GLS: variants seen among roughly 807,000 people sequenced by gnomAD.
GLS encodes glutaminase.
Under a neutral mutation model 86.7 loss-of-function variants are expected in GLS, and 36 were observed. That is an observed-to-expected ratio of 0.42 (90% CI 0.32 to 0.55). The LOEUF is 0.55. GLS is among the 20% of genes least tolerant of loss of function. The pLI is 0.17. For missense variants in GLS, 528 were observed against 833.4 expected (o/e 0.63, Z 4.51); for synonymous variants, 317 against 305.9 (o/e 1.04, Z -0.38).
rs1690510896 is a variant in GLS at position 190,943,807 on chromosome 2, A to G, written c.1651-9758A>G. 6.6e-6 allele frequency among the ~76,000 whole-genome samples: 1 copy of G among 152,228 alleles called. No homozygotes were observed. The highest frequency in any genetic ancestry group is 1.5e-5 in the Non-Finnish European group (1 of 68,024). On this transcript the variant is annotated intron_variant, in intron 14 of 17. Transcript: ENST00000320717. The surrounding 1 kb of genome is among the most constrained non-coding windows in gnomAD (Gnocchi z 4.5). ...TATGCTCCATAAAGCACACATGTTGAACGTTTCACAATAGAAATGTGAAAT... is the reference window on the plus strand; with the variant it reads ...TATGCTCCATAAAGCACACATGTTGGACGTTTCACAATAGAAATGTGAAAT...
At position 190,905,451 on chromosome 2, in the gene GLS, A is replaced by G. The variant is rs1025828087; in HGVS notation, c.979+284A>G. ...CATGAGATTTGCTTTAAAATAATTTAGTTAAGGCAGCTGGGAGTGCTGGGT... is the reference window on the plus strand; with the variant it reads ...CATGAGATTTGCTTTAAAATAATTTGGTTAAGGCAGCTGGGAGTGCTGGGT... On this transcript the variant is annotated intron_variant, in intron 6 of 17. Coordinates refer to ENST00000320717, the MANE Select transcript of GLS (RefSeq NM_014905.5). This position sits in a 1 kb window ranked among gnomAD's most constrained non-coding sequence, Gnocchi z 4.6. Among the ~76,000 whole-genome samples the G allele has an allele frequency of 2.6e-5, 4 of 152,068 alleles. No individual in the cohort carries two copies. Among genetic ancestry groups the G allele is most frequent in the Admixed American group, 2.0e-4 (3 of 15,262 alleles).
intron 5 of GLS, among the ~76,000 whole-genome samples, chr2:190,904,336 T>G (rs1376368034): frequency 6.6e-6 from 1 of 152,178 alleles, no homozygotes; most frequent in Non-Finnish European, 1.5e-5. Context: ...TAGTTTATTT[T>G]ATGTGATTGA....
intron 6 of GLS, among the ~76,000 whole-genome samples, chr2:190,907,365 C>T (rs905096727): frequency 6.6e-5 from 10 of 151,526 alleles, no homozygotes; most frequent in Non-Finnish European, 1.3e-4. Context: ...TCAAGCGATT[C>T]TCCTGCCTCA....
rs147506874 is a variant in GLS at position 190,906,907 on chromosome 2, A to G, written c.979+1740A>G. On this transcript the variant is annotated intron_variant, in intron 6 of 17. Transcript: ENST00000320717. ...ATGATTTATTAAGACTAATAGGGAT[A>G]TGGTAAATAGAGAAATTGTAGTAGT... is the stretch of plus-strand genomic sequence containing the variant. Among the ~76,000 whole-genome samples the G allele has an allele frequency of 5.6e-3, 857 of 151,850 alleles. 13 individuals carry two copies. The highest frequency in any genetic ancestry group is 0.018 in the African/African-American group (756 of 41,444).
Position 190,935,241 on chromosome 2 carries a change from TC to T in GLS, c.1650+3606del. The T allele has an allele frequency of 1.3e-6, 1 of 758,398 alleles. No individual in the cohort carries two copies. The highest frequency in any genetic ancestry group is 1.6e-6 in the Non-Finnish European group (1 of 622,990). 47.0% of individuals were successfully genotyped at this position (758,398 alleles called of 1,614,324 possible). ...TATATTTAATAATGTACCTTTATTTTCCAGTATGCCTACATTTTGTATTGCA... is the reference window on the plus strand; with the variant it reads ...TATATTTAATAATGTACCTTTATTTTCAGTATGCCTACATTTTGTATTGCA... On this transcript the variant is annotated intron_variant, in intron 14 of 17. Transcript: ENST00000320717. The surrounding 1 kb of genome is among the most constrained non-coding windows in gnomAD (Gnocchi z 4.2).
intron 4 of GLS, among the ~76,000 whole-genome samples, 188 bp downstream of exon 4, chr2:190,900,881 T>A (rs1356738318): frequency 6.6e-6 from 1 of 152,176 alleles, no homozygotes; most frequent in Non-Finnish European, 1.5e-5. Flanking sequence ...ACTTTGTTAT[T>A]CTGGTTAAAG....
intron 14 of GLS, chr2:190,934,091 GT>G: frequency 2.0e-6 from 2 of 977,730 alleles, no homozygotes; most frequent in South Asian, 9.5e-5. Flanking sequence ...TACTTCTCTG[GT>G]TTTCCCCATA....
intron 14 of GLS, among the ~76,000 whole-genome samples, chr2:190,937,960 T>G (rs1434131994): frequency 6.6e-6 from 1 of 151,134 alleles, no homozygotes; most frequent in African/African-American, 2.4e-5. Flanking sequence ...AGGCAAGCGT[T>G]AGAAACAGGT....
At chr2:190,912,485 A>G (rs1689397593) in intron 7 of GLS, among the ~76,000 whole-genome samples, 1 of 152,048 alleles carries the variant, frequency 6.6e-6, no homozygotes, top group South Asian at 2.1e-4. Flanking sequence ...ATTCATATAA[A>G]TATCTATAAT....
At chr2:190,898,131 G>A (rs1688809769) in intron 3 of GLS, among the ~76,000 whole-genome samples, 1 of 151,822 alleles carries the variant, frequency 6.6e-6, no homozygotes, top group Non-Finnish European at 1.5e-5. Flanking sequence ...ATAATTTTTT[G>A]ATCTTTTTGT....
At chr2:190,903,480 A>G (rs1021276217) in intron 5 of GLS, among the ~76,000 whole-genome samples, 1 of 152,222 alleles carries the variant, frequency 6.6e-6, no homozygotes, top group East Asian at 1.9e-4. Flanking sequence ...ATGAAAAGGC[A>G]TGGTGACTTT....
intron 1 of GLS, among the ~76,000 whole-genome samples, chr2:190,893,006 T>A (rs1688614797): frequency 6.6e-6 from 1 of 152,232 alleles, no homozygotes; most frequent in Admixed American, 6.5e-5. Flanking sequence ...ACCATTTACT[T>A]GTGTGATAAA....
At chr2:190,961,903 G>A (rs1316543784) in intron 17 of GLS, among the ~76,000 whole-genome samples, 10 of 152,170 alleles carry the variant, frequency 6.6e-5, no homozygotes, top group Admixed American at 6.5e-4. Context: ...AACTAGGAAG[G>A]TGGTGCCAGT....
intron 14 of GLS, among the ~76,000 whole-genome samples, chr2:190,952,364 A>C (rs1219087685): frequency 1.3e-5 from 2 of 152,200 alleles, no homozygotes; most frequent in Non-Finnish European, 2.9e-5. Context: ...AGACCTTTAC[A>C]GAGTCTTTCA....
At chr2:190,932,931 A>C in intron 14 of GLS, 2 of 1,345,602 alleles carry the variant, frequency 1.5e-6, no homozygotes, top group South Asian at 4.5e-5. Flanking sequence ...TTTTTTTGCA[A>C]GTTATAAATA....
At chr2:190,931,515 C>A (rs1000837760) in intron 13 of GLS, 30 bp from the exon 14 acceptor site, 1 of 1,019,766 alleles carries the variant, frequency 9.8e-7, no homozygotes, top group African/African-American at 1.6e-5. Context: ...TAGCCAATTT[C>A]TTATACCTGC....
At chr2:190,903,479 C>G (rs1689023670) in intron 5 of GLS, among the ~76,000 whole-genome samples, 1 of 152,148 alleles carries the variant, frequency 6.6e-6, no homozygotes, top group African/African-American at 2.4e-5. Flanking sequence ...AATGAAAAGG[C>G]ATGGTGACTT....
Position 190,955,336 on chromosome 2 carries a change from T to G in GLS, c.1853+518T>G, listed in dbSNP as rs1690836462. 6.6e-6 allele frequency among the ~76,000 whole-genome samples: 1 copy of G among 152,196 alleles called. No homozygotes were observed. Among genetic ancestry groups the G allele is most frequent in the African/African-American group, 2.4e-5 (1 of 41,446 alleles). On this transcript the variant is annotated intron_variant, in intron 17 of 17. Coordinates refer to ENST00000320717, the MANE Select transcript of GLS (RefSeq NM_014905.5). The surrounding 1 kb of genome is among the most constrained non-coding windows in gnomAD (Gnocchi z 5.6). ...ATGTTCCCCTCCCTGTGTCCATGTGTTCTCACTGTTCCACTCCCACTTACG... is the reference window on the plus strand; with the variant it reads ...ATGTTCCCCTCCCTGTGTCCATGTGGTCTCACTGTTCCACTCCCACTTACG...
intron 1 of GLS, among the ~76,000 whole-genome samples, chr2:190,885,145 A>T (rs879603723): frequency 2.6e-5 from 4 of 152,182 alleles, no homozygotes; most frequent in Non-Finnish European, 4.4e-5. Flanking sequence ...TTTGATAGTT[A>T]TGGACAATGA....
Sources: gnomAD v4.1 joint callset for allele counts (sites outside exome capture counted in the v4.1 genomes callset) on GRCh38, gnomAD v4.1.1 for gene constraint, Gnocchi (gnomAD v3.1) non-coding constraint, MANE v1.5 for transcripts, NCBI Gene and HGNC (gene_info 2026-07-23, HGNC 2026-07-21) for gene names.